The following BACH2 variants were observed in gnomAD, a reference collection of about 807,000 sequenced individuals.
BACH2 encodes the protein transcription regulator protein BACH2.
A neutral mutation model predicts 61.8 loss-of-function variants in BACH2; 5 were observed. That is an observed-to-expected ratio of 0.08 (90% CI 0.04 to 0.17). The LOEUF is 0.17. Ranked by LOEUF, BACH2 falls within the 10% of genes least tolerant of loss-of-function variation. The pLI, the probability that BACH2 is intolerant of heterozygous loss-of-function variation, is 1.00. For missense variants in BACH2, 824 were observed against 1,091.1 expected (o/e 0.76, Z 3.45); for synonymous variants, 446 against 440.1 (o/e 1.01, Z -0.17).
intron 4 of BACH2, among the ~76,000 whole-genome samples, chr6:90,103,029 A>ATATATATATATATATTTTTTTT: frequency 4.7e-5 from 1 of 21,162 alleles, no homozygotes; most frequent in Admixed American, 9.0e-4. Flanking sequence ...ATATATATAT[A>ATATATATATATATATTTTTTTT]TTTTTTTTTT....
At chr6:90,198,121 TG>T (rs1192663889) in intron 4 of BACH2, among the ~76,000 whole-genome samples, 1 of 152,182 alleles carries the variant, frequency 6.6e-6, no homozygotes, top group Non-Finnish European at 1.5e-5. Context: ...CACTCATGTG[TG>T]CTCATGCTTG....
intron 6 of BACH2, among the ~76,000 whole-genome samples, chr6:89,985,892 T>TC (rs1776211694): frequency 6.6e-6 from 1 of 152,226 alleles, no homozygotes; most frequent in African/African-American, 2.4e-5. Flanking sequence ...TTTTCAGGAC[T>TC]CAGTCATTTC....
At chr6:89,939,665 T>TC (rs1344539630) in intron 7 of BACH2, among the ~76,000 whole-genome samples, 1 of 126,670 alleles carries the variant, frequency 7.9e-6, no homozygotes, top group Non-Finnish European at 1.7e-5. Flanking sequence ...TCTTTTTTTT[T>TC]TTTTTTTTTT....
intron 4 of BACH2, among the ~76,000 whole-genome samples, chr6:90,156,785 G>A (rs932697750): frequency 3.4e-4 from 51 of 152,174 alleles, no homozygotes; most frequent in African/African-American, 1.1e-3. Context: ...GAAACAACAC[G>A]GAGTAACTCT....
chr6:90,083,166 A>C (rs1367676144), intron 5 of BACH2, among the ~76,000 whole-genome samples: 2 of 152,216 alleles, frequency 1.3e-5, no homozygotes, highest in Non-Finnish European at 2.9e-5. Flanking sequence ...GCTCACAGAG[A>C]GGCATCATTT....
intron 5 of BACH2, among the ~76,000 whole-genome samples, chr6:90,014,468 ATTTTTTTT>A (rs1164045089): frequency 2.2e-3 from 72 of 32,278 alleles, no homozygotes; most frequent in African/African-American, 0.012. Flanking sequence ...ATATATATAT[ATTTTTTTT>A]TTTTTTTTTT....
intron 6 of BACH2, among the ~76,000 whole-genome samples, chr6:89,992,885 C>T (rs1776655689): frequency 6.6e-6 from 1 of 152,102 alleles, no homozygotes; most frequent in South Asian, 2.1e-4. Flanking sequence ...ATATTGAAGC[C>T]CTAATCCCCA....
chr6:90,103,026 TA>T (rs1441334271), intron 4 of BACH2, among the ~76,000 whole-genome samples: 958 of 59,390 alleles, frequency 0.016, 26 homozygotes, highest in African/African-American at 0.07. Context: ...TATATATATA[TA>T]TATTTTTTTT....
At chr6:90,010,439 C>G (rs1475036411) in intron 5 of BACH2, among the ~76,000 whole-genome samples, 2 of 152,114 alleles carry the variant, frequency 1.3e-5, no homozygotes, top group African/African-American at 4.8e-5. Context: ...AAGTTTGTTC[C>G]TTTATTACTT....
intron 4 of BACH2, among the ~76,000 whole-genome samples, chr6:90,100,706 C>CACACAGACACACACACACAG (rs1463218195): frequency 7.0e-6 from 1 of 143,172 alleles, no homozygotes; most frequent in African/African-American, 2.6e-5. Flanking sequence ...CACACAGACA[C>CACACAGACACACACACACAG]ACACACACAC....
intron 6 of BACH2, among the ~76,000 whole-genome samples, chr6:89,964,279 G>A (rs78948569): frequency 3.0e-4 from 7 of 23,352 alleles, no homozygotes; most frequent in African/African-American, 1.6e-3. Context: ...ATCAGGGGCT[G>A]GGGGAAGAAA....
intron 2 of BACH2, among the ~76,000 whole-genome samples, chr6:90,266,528 A>C (rs532604699): frequency 5.9e-5 from 9 of 152,316 alleles, no homozygotes; most frequent in African/African-American, 1.9e-4. Flanking sequence ...ATGGATAAAC[A>C]AATTATTGTA....
chr6:89,990,947 A>C (rs1203631619), intron 6 of BACH2, among the ~76,000 whole-genome samples: 1 of 152,250 alleles, frequency 6.6e-6, no homozygotes, highest in African/African-American at 2.4e-5. Context: ...CTGGTCATTC[A>C]GGTCTCAACA....
At chr6:90,262,577 A>C (rs1349722372) in intron 2 of BACH2, among the ~76,000 whole-genome samples, 1 of 152,182 alleles carries the variant, frequency 6.6e-6, no homozygotes, top group African/African-American at 2.4e-5. Flanking sequence ...TACAGACCCA[A>C]TCTCCGAAGT....
rs1215874464 is a variant in BACH2, at chr6:90,232,751, C to A, written c.-275+19762G>T. 3.9e-5 allele frequency among the ~76,000 whole-genome samples: 6 copies of A among 152,258 alleles called. No individual in the cohort carries two copies. In the East Asian group the frequency reaches 7.7e-4, roughly 20 times the overall value. On this transcript the variant is annotated intron_variant, in intron 3 of 8. Coordinates refer to ENST00000257749, the MANE Select transcript of BACH2 (RefSeq NM_021813.4). ...AACTTTTAAGTTTTGAAAATTGATT[C>A]CCATGACACTTCTCTTTCCGTCTTC...
chr6:90,151,496 G>A (rs1344668309), intron 4 of BACH2, among the ~76,000 whole-genome samples: 3 of 152,122 alleles, frequency 2.0e-5, no homozygotes, highest in Non-Finnish European at 2.9e-5. Context: ...TCACTACATT[G>A]CCCAGGCTGG....
In BACH2 at chr6:90,270,739, C is replaced by T. The variant is rs182050487; in HGVS notation, c.-353+1110G>A. Among the ~76,000 whole-genome samples, 919 of 152,088 alleles carry T rather than the reference C, an allele frequency of 6.0e-3. 33 individuals are homozygous for T. Among genetic ancestry groups the T allele is most frequent in the Admixed American group, 0.054 (818 of 15,266 alleles). The stretch of plus-strand genomic sequence containing the variant: ...CTAGAAAAAACAATCCTAAAATTCA[C>T]AAGGAACCAAAAAAAGGTACACATA... On this transcript the variant is annotated intron_variant, in intron 2 of 8. Transcript: ENST00000257749.
chr6:90,172,163 G>C (rs554915286), intron 4 of BACH2, among the ~76,000 whole-genome samples: 1 of 151,974 alleles, frequency 6.6e-6, no homozygotes, highest in Non-Finnish European at 1.5e-5. Context: ...AAAATTAGCT[G>C]GGCGTGGTGG....
At chr6:90,070,555 C>CT (rs1418080989) in intron 5 of BACH2, among the ~76,000 whole-genome samples, 1 of 152,166 alleles carries the variant, frequency 6.6e-6, no homozygotes, top group East Asian at 1.9e-4. Context: ...AGTGAGGACT[C>CT]TGATTCTTTA....
Sources: gnomAD v4.1 joint callset for allele counts (sites outside exome capture counted in the v4.1 genomes callset) on GRCh38, gnomAD v4.1.1 for gene constraint, MANE v1.5 for transcripts, NCBI Gene and HGNC (gene_info 2026-07-23, HGNC 2026-07-21) for gene names.